SGMS1: variants seen among roughly 807,000 people sequenced by gnomAD.
SGMS1 encodes phosphatidylcholine:ceramide cholinephosphotransferase 1.
Under a neutral mutation model 46.2 loss-of-function variants are expected in SGMS1, and 13 were observed. The observed-to-expected ratio is 0.28, with a 90% CI of 0.18 to 0.45. The LOEUF is 0.45. SGMS1 is among the 20% of genes least tolerant of loss of function. The pLI, the probability that SGMS1 is intolerant of heterozygous loss-of-function variation, is 1.00. For missense variants in SGMS1, 324 were observed against 519.9 expected (o/e 0.62, Z 3.66); for synonymous variants, 203 against 187.8 (o/e 1.08, Z -0.66).
chr10:50,395,996 C>G (rs115445427), intron 6 of SGMS1, among the ~76,000 whole-genome samples: 2,515 of 152,236 alleles, frequency 0.017, 66 homozygotes, highest in African/African-American at 0.057. Context: ...GTTATTTCCA[C>G]CCTTAACCGA....
chr10:50,385,958 CT>C (rs1848675753), intron 6 of SGMS1, among the ~76,000 whole-genome samples: 2 of 152,076 alleles, frequency 1.3e-5, no homozygotes, highest in African/African-American at 4.8e-5. Context: ...TTGCTAGACC[CT>C]CTTGTGGGGC....
chr10:50,437,408 C>G (rs1204621257), intron 5 of SGMS1, among the ~76,000 whole-genome samples: 3 of 152,194 alleles, frequency 2.0e-5, no homozygotes, highest in Non-Finnish European at 4.4e-5. Flanking sequence ...CACACAGAAA[C>G]AAAACTGAGT....
intron 2 of SGMS1, among the ~76,000 whole-genome samples, chr10:50,569,820 T>C (rs1369739368): frequency 6.6e-6 from 1 of 152,120 alleles, no homozygotes; most frequent in Non-Finnish European, 1.5e-5. Flanking sequence ...AGCTGGATGG[T>C]AGCTTCCCCT....
At chr10:50,593,396 T>G (rs1838560807) in intron 1 of SGMS1, among the ~76,000 whole-genome samples, 1 of 152,250 alleles carries the variant, frequency 6.6e-6, no homozygotes, top group South Asian at 2.1e-4. Flanking sequence ...TTTAAGGTGC[T>G]AAGTCTTGAG....
chr10:50,365,068 A>T (rs1315682084), intron 6 of SGMS1, among the ~76,000 whole-genome samples: 1 of 152,066 alleles, frequency 6.6e-6, no homozygotes, highest in Non-Finnish European at 1.5e-5. Context: ...GCTCAAGACC[A>T]GCCTGGCCAA....
intron 2 of SGMS1, among the ~76,000 whole-genome samples, chr10:50,567,530 C>A (rs1459090276): frequency 2.0e-5 from 3 of 152,278 alleles, no homozygotes; most frequent in Non-Finnish European, 4.4e-5. Context: ...CTCCCCACCC[C>A]CACTTGGGCT....
chr10:50,492,335 A>C (rs1837574384), intron 3 of SGMS1, among the ~76,000 whole-genome samples: 1 of 152,190 alleles, frequency 6.6e-6, no homozygotes, highest in Non-Finnish European at 1.5e-5. Flanking sequence ...AGGCAAGAGA[A>C]AGAAATAATG....
intron 3 of SGMS1, among the ~76,000 whole-genome samples, chr10:50,500,178 T>A (rs991574786): frequency 4.3e-4 from 65 of 152,010 alleles, no homozygotes; most frequent in Non-Finnish European, 8.2e-4. Context: ...AAAAACAAAC[T>A]AACAAACAAA....
intron 1 of SGMS1, among the ~76,000 whole-genome samples, chr10:50,605,030 CA>C (rs1394273928): frequency 6.6e-6 from 1 of 152,174 alleles, no homozygotes; most frequent in Non-Finnish European, 1.5e-5. Flanking sequence ...TATAACGGTA[CA>C]AAACATTTCA....
At chr10:50,376,450 T>C (rs1397879289) in intron 6 of SGMS1, among the ~76,000 whole-genome samples, 2 of 152,204 alleles carry the variant, frequency 1.3e-5, no homozygotes, top group African/African-American at 4.8e-5. Flanking sequence ...TTTTAAATTA[T>C]ACTTTAAGTT....
intron 6 of SGMS1, among the ~76,000 whole-genome samples, chr10:50,363,510 A>T (rs780042205): frequency 4.6e-5 from 7 of 152,212 alleles, no homozygotes; most frequent in Non-Finnish European, 7.3e-5. Context: ...CCTCTTCCCC[A>T]CACCATAGAA....
At chr10:50,604,819 C>T (rs1005901279) in intron 1 of SGMS1, among the ~76,000 whole-genome samples, 1 of 150,150 alleles carries the variant, frequency 6.7e-6, no homozygotes, top group Non-Finnish European at 1.5e-5. Context: ...AAGACCAAGA[C>T]AGACTCCAAA....
intron 6 of SGMS1, among the ~76,000 whole-genome samples, chr10:50,347,824 A>G (rs530473453): frequency 2.1e-4 from 32 of 152,268 alleles, no homozygotes; most frequent in African/African-American, 7.5e-4. Context: ...GAGTCACATA[A>G]TCTCCTCTCA....
chr10:50,401,109 C>A (rs1301310312), intron 6 of SGMS1, among the ~76,000 whole-genome samples: 1 of 152,284 alleles, frequency 6.6e-6, no homozygotes, highest in Admixed American at 6.5e-5. Flanking sequence ...GACACTTGAG[C>A]CAGCCATGGG....
chr10:50,599,570 G>C (rs1021186593), intron 1 of SGMS1, among the ~76,000 whole-genome samples: 9 of 152,164 alleles, frequency 5.9e-5, no homozygotes, highest in African/African-American at 1.7e-4. Context: ...TACTTACGAA[G>C]TACTTAACGT....
chr10:50,337,368 A>G (rs1218646423), intron 7 of SGMS1, among the ~76,000 whole-genome samples: 1 of 152,190 alleles, frequency 6.6e-6, no homozygotes, highest in East Asian at 1.9e-4. Context: ...TATGGCTAAT[A>G]TATAGTAAAG....
At chr10:50,569,330 C>T (rs909822578) in intron 2 of SGMS1, among the ~76,000 whole-genome samples, 3 of 145,078 alleles carry the variant, frequency 2.1e-5, no homozygotes, top group Non-Finnish European at 4.5e-5. Context: ...GTGGTTTAGA[C>T]GTTCACTTTT....
intron 6 of SGMS1, among the ~76,000 whole-genome samples, chr10:50,372,947 TA>T (rs5784830): frequency 1.3e-5 from 2 of 151,588 alleles, no homozygotes; most frequent in African/African-American, 2.4e-5. Context: ...TGCTATAATA[TA>T]AAAAAAATAT....
At chr10:50,324,783 A>G (rs1847503227) in intron 8 of SGMS1, among the ~76,000 whole-genome samples, 1 of 152,240 alleles carries the variant, frequency 6.6e-6, no homozygotes, top group South Asian at 2.1e-4. Context: ...ACTTGACACC[A>G]CAAAGAAACA....
Sources: allele counts gnomAD v4.1 joint callset (sites outside exome capture counted in the v4.1 genomes callset), GRCh38; gene constraint gnomAD v4.1.1; transcripts MANE v1.5; gene names NCBI Gene and HGNC (gene_info 2026-07-23, HGNC 2026-07-21).